Variants in PRR16 observed in about 807,000 individuals in gnomAD.
PRR16 encodes the protein protein Largen.
A neutral mutation model predicts 18.2 loss-of-function variants in PRR16; 6 were observed. That is an observed-to-expected ratio of 0.33 (90% CI 0.18 to 0.65). The LOEUF (loss-of-function observed/expected upper bound fraction) is 0.65. Ranked by LOEUF, PRR16 falls within the 30% of genes least tolerant of loss-of-function variation. The pLI is 0.74. For synonymous variants in PRR16, 151 were observed against 147.8 expected, an observed-to-expected ratio of 1.02 and a Z score of -0.16; for missense variants, 412 against 376.6, an observed-to-expected ratio of 1.09 and a Z score of -0.78.
chr5:120,585,966 G>A (rs1183397882), intron 1 of PRR16, among the ~76,000 whole-genome samples: 1 of 152,012 alleles, frequency 6.6e-6, no homozygotes, highest in Non-Finnish European at 1.5e-5. Context: ...ACAAGGTCAA[G>A]TGATCGAGAC....
At chr5:120,791,975 G>A in the PRR16 span, among the ~76,000 whole-genome samples, 22 of 152,170 alleles carry the variant, frequency 1.4e-4, no homozygotes, top group African/African-American at 3.6e-4. Context: ...ATCAAGCAAG[G>A]AATCAAATTG....
At chr5:120,575,187 T>C (rs1254973158) in intron 1 of PRR16, among the ~76,000 whole-genome samples, 5 of 152,088 alleles carry the variant, frequency 3.3e-5, no homozygotes, top group Non-Finnish European at 7.4e-5. Context: ...CAGGCACCCA[T>C]TGGGGATCTT....
At chr5:120,595,805 G>A (rs1269159381) in intron 1 of PRR16, among the ~76,000 whole-genome samples, 1 of 151,924 alleles carries the variant, frequency 6.6e-6, no homozygotes, top group East Asian at 1.9e-4. Flanking sequence ...ATACTTTGAA[G>A]AGTTTTGGAT....
At chr5:120,628,302 ATTTTGT>A (rs1754933504) in intron 1 of PRR16, among the ~76,000 whole-genome samples, 1 of 152,024 alleles carries the variant, frequency 6.6e-6, no homozygotes, top group African/African-American at 2.4e-5. Flanking sequence ...ATATTTATTT[ATTTTGT>A]TTTTAAGACA....
chr5:120,675,968 A>T (rs1412375853), intron 1 of PRR16, among the ~76,000 whole-genome samples: 1 of 152,214 alleles, frequency 6.6e-6, no homozygotes, highest in Non-Finnish European at 1.5e-5. Context: ...TTATAAAAAG[A>T]AACAACACAA....
At chr5:120,715,117 A>AT in the PRR16 span, among the ~76,000 whole-genome samples, 11 of 152,058 alleles carry the variant, frequency 7.2e-5, no homozygotes, top group East Asian at 2.1e-3. Flanking sequence ...AAAAAAAAAA[A>AT]GTCGTAGCCA....
intron 1 of PRR16, among the ~76,000 whole-genome samples, chr5:120,484,295 T>C (rs944064890): frequency 6.8e-6 from 1 of 147,680 alleles, no homozygotes; most frequent in Non-Finnish European, 1.5e-5. Context: ...ATATGTCTTA[T>C]GTATAATATA....
chr5:120,671,636 T>G (rs1242533966), intron 1 of PRR16, among the ~76,000 whole-genome samples: 1 of 152,192 alleles, frequency 6.6e-6, no homozygotes, highest in East Asian at 1.9e-4. Context: ...CTAAACATTT[T>G]GCTCAGTATC....
chr5:120,695,591 A>G, the PRR16 span, among the ~76,000 whole-genome samples: 1 of 152,140 alleles, frequency 6.6e-6, no homozygotes. Context: ...TACCCAATGG[A>G]GAAACTTTCC....
At chr5:120,470,962 C>G (rs973866284) in intron 1 of PRR16, among the ~76,000 whole-genome samples, 3 of 152,030 alleles carry the variant, frequency 2.0e-5, no homozygotes, top group Admixed American at 2.0e-4. Flanking sequence ...TTAAAATTCT[C>G]AATTCATATT....
At chr5:120,701,087 G>T in the PRR16 span, among the ~76,000 whole-genome samples, 14 of 152,336 alleles carry the variant, frequency 9.2e-5, no homozygotes, top group East Asian at 9.6e-4. Flanking sequence ...CTGGAGGAAC[G>T]CCTGGCCGCT....
the PRR16 span, among the ~76,000 whole-genome samples, chr5:120,717,773 AACAC>A: frequency 6.6e-6 from 1 of 152,216 alleles, no homozygotes; most frequent in African/African-American, 2.4e-5. Flanking sequence ...TTGAAAATAA[AACAC>A]ACAGTCTAGA....
the PRR16 span, among the ~76,000 whole-genome samples, chr5:120,718,387 T>C: frequency 1.3e-5 from 2 of 152,034 alleles, no homozygotes; most frequent in African/African-American, 4.8e-5. Flanking sequence ...GCAAATAATA[T>C]AGGCAAGAAA....
chr5:120,782,623 G>T, the PRR16 span, among the ~76,000 whole-genome samples: 81 of 152,204 alleles, frequency 5.3e-4, no homozygotes, highest in African/African-American at 1.9e-3. Context: ...GATTGTGAAG[G>T]TCTGTGTTCA....
At chr5:120,793,862 A>T in the PRR16 span, among the ~76,000 whole-genome samples, 2 of 152,174 alleles carry the variant, frequency 1.3e-5, no homozygotes, top group African/African-American at 4.8e-5. Context: ...ACAAACCTGT[A>T]CAACAAATTA....
At chr5:120,522,250 G>C (rs1488658528) in intron 1 of PRR16, among the ~76,000 whole-genome samples, 2 of 152,174 alleles carry the variant, frequency 1.3e-5, no homozygotes, top group Non-Finnish European at 2.9e-5. Context: ...TCACCACACT[G>C]TCTTCCACAA....
At chr5:120,575,077 T>C (rs1753029241) in intron 1 of PRR16, among the ~76,000 whole-genome samples, 1 of 136,478 alleles carries the variant, frequency 7.3e-6, no homozygotes, top group Non-Finnish European at 1.5e-5. Flanking sequence ...TACTTATTAT[T>C]GTTAATCTCA....
chr5:120,492,938 A>G (rs369200417), intron 1 of PRR16, among the ~76,000 whole-genome samples: 82 of 152,186 alleles, frequency 5.4e-4, no homozygotes, highest in African/African-American at 1.8e-3. Context: ...TATATACCAC[A>G]TTTTCTTAAT....
At chr5:120,753,154 G>C in the PRR16 span, among the ~76,000 whole-genome samples, 2 of 151,884 alleles carry the variant, frequency 1.3e-5, no homozygotes, top group Non-Finnish European at 2.9e-5. Flanking sequence ...TAGATTTGGA[G>C]GGAAGTAAAC....
Sources: allele counts gnomAD v4.1 joint callset (sites outside exome capture counted in the v4.1 genomes callset), GRCh38; gene constraint gnomAD v4.1.1; transcripts MANE v1.5; gene names NCBI Gene and HGNC (gene_info 2026-07-23, HGNC 2026-07-21).